Variants in RFC1 observed in about 807,000 individuals in gnomAD.
RFC1 encodes the protein replication factor C subunit 1, also known as A1 140 kDa subunit.
RFC1 carries 37 observed loss-of-function variants against 137.4 expected under a neutral mutation model. The ratio of observed to expected loss-of-function variants is 0.27; its 90% confidence interval spans 0.21 to 0.35. The LOEUF is 0.35. RFC1 is among the 10% of genes least tolerant of loss of function. The pLI is 1.00. For synonymous variants in RFC1, 429 were observed against 455.7 expected (o/e 0.94, Z 0.75); for missense variants, 1,205 against 1,358.5 (o/e 0.89, Z 1.78).
chr4:39,289,824 C>G (rs931828692), intron 24 of RFC1, 24 bp downstream of exon 24: 1 of 1,536,098 alleles, frequency 6.5e-7, no homozygotes, highest in African/African-American at 1.4e-5. Flanking sequence ...TTGAGGTTCT[C>G]CTGTCTGTGG....
In RFC1 at chr4:39,309,032, T is replaced by C; in HGVS notation, c.1489A>G (p.Met497Val). ...CTCTCCAGTTTGGACTCTTTCTTCA[T>C]CTTAAGAAGTGGAAAAATGAGGAAA... is the stretch of plus-strand genomic sequence containing the variant. ...SKYEIAVETEMKKESKLERTP... is the reference protein window; with the variant it reads ...SKYEIAVETEVKKESKLERTP... Residue 497 changes from methionine to valine, a missense_variant and splice_region_variant, in exon 13 of 25, where the codon ATG (methionine) becomes GTG (valine). Met to Val is a conservative substitution (Grantham distance 21). Coordinates refer to ENST00000349703, the MANE Select transcript of RFC1 (RefSeq NM_002913.5). 1 of 1,578,050 alleles carries C rather than the reference T, an allele frequency of 6.3e-7. No individual in the cohort carries two copies. The highest frequency in any genetic ancestry group is 8.5e-7 in the Non-Finnish European group (1 of 1,169,716).
At chr4:39,344,571 T>C (rs1018206184) in intron 3 of RFC1, among the ~76,000 whole-genome samples, 1 of 152,168 alleles carries the variant, frequency 6.6e-6, no homozygotes, top group Non-Finnish European at 1.5e-5. Flanking sequence ...AGACCAGCCT[T>C]GTCTACGTGG....
chr4:39,298,523 T>G (rs1202127137), intron 21 of RFC1, among the ~76,000 whole-genome samples: 1 of 152,176 alleles, frequency 6.6e-6, no homozygotes, highest in South Asian at 2.1e-4. Context: ...AAATTCTGTT[T>G]CGAGTTAAAG....
At chr4:39,354,780 A>G (rs1741378818) in intron 1 of RFC1, among the ~76,000 whole-genome samples, 1 of 150,030 alleles carries the variant, frequency 6.7e-6, no homozygotes, top group Non-Finnish European at 1.5e-5. Context: ...AAAAGCAACT[A>G]ACTTAAAAAC....
In RFC1 at chr4:39,311,554, T is replaced by A. The variant is rs775794893; in HGVS notation, c.1384-5A>T. 5 of 1,611,492 alleles carry A rather than the reference T, an allele frequency of 3.1e-6. No individual in the cohort carries two copies. Among genetic ancestry groups the A allele is most frequent in the Non-Finnish European group, 4.2e-6 (5 of 1,178,220 alleles). Reference sequence around the variant, plus strand: ...TTTTGTCCCCAAGGCTGCGGCCTGTTGATTAAAAATGTAAACCATCAAAAC... The same window carrying A: ...TTTTGTCCCCAAGGCTGCGGCCTGTAGATTAAAAATGTAAACCATCAAAAC... On this transcript the variant is annotated splice_region_variant and splice_polypyrimidine_tract_variant and intron_variant, in intron 11 of 24. Transcript: ENST00000349703.
rs951097556 is a variant in RFC1, at chr4:39,345,470, T to C, written c.139A>G (p.Ser47Gly). ...TTGAAGTCATCCTCTTTACGGGAGCTATTTACCTATAAACATCACAATATA... is the reference window on the plus strand; with the variant it reads ...TTGAAGTCATCCTCTTTACGGGAGCCATTTACCTATAAACATCACAATATA... The part of the protein sequence containing the change: ...KKGIKEIKVN[S>G]SRKEDDFKQK... The change falls in exon 3 of 25, where the codon AGC becomes GGC. Residue 47 changes from serine (S) to glycine (G), a missense_variant. Ser to Gly is a moderately conservative substitution (Grantham distance 56, BLOSUM62 0). This residue lies in a region of RFC1 where 962 missense variants were observed against 1,035.3 expected (regional missense o/e 0.93). Coordinates refer to ENST00000349703, the MANE Select transcript of RFC1 (RefSeq NM_002913.5). 2 of 1,611,598 alleles carry C rather than the reference T, an allele frequency of 1.2e-6. No homozygotes were observed. The highest frequency in any genetic ancestry group is 2.7e-5 in the African/African-American group (2 of 74,868).
In RFC1 at chr4:39,332,557, G is replaced by A. The variant is rs138115522; in HGVS notation, c.332-4801C>T. Among the ~76,000 whole-genome samples, 42 of 152,074 alleles carry A rather than the reference G, an allele frequency of 2.8e-4. No homozygotes were observed. In the East Asian group the frequency reaches 4.2e-3, roughly 15 times the overall value. Reference sequence around the variant, plus strand: ...ACTAGACTTAAATACTTTCAAAATCGAGCAATGTTAATTCACCTTCTTTCT... The same window carrying A: ...ACTAGACTTAAATACTTTCAAAATCAAGCAATGTTAATTCACCTTCTTTCT... On this transcript the variant is annotated intron_variant, in intron 4 of 24. Transcript: ENST00000349703.
At chr4:39,295,543 A>G in intron 22 of RFC1, 71 bp downstream of exon 22, 7 of 1,266,354 alleles carry the variant, frequency 5.5e-6, no homozygotes, top group Non-Finnish European at 7.6e-6. Context: ...TTTGACTCAC[A>G]TGATCATTAC....
rs565598590 is a variant in RFC1 at position 39,351,962 on chromosome 4, G to A, written c.4-486C>T. Among the ~76,000 whole-genome samples the A allele has an allele frequency of 3.4e-4, 44 of 130,010 alleles. 1 individual carries two copies. The South Asian group carries it at 9.2e-3, about 27-fold the overall frequency. 85.3% of individuals were successfully genotyped at this position (130,010 alleles called of 152,430 possible). On this transcript the variant is annotated intron_variant, in intron 1 of 24. Coordinates refer to ENST00000349703, the MANE Select transcript of RFC1 (RefSeq NM_002913.5). ...TGCCTGGATGACAAAGCAAGACTCC[G>A]TCTCAAAAAAAAAAAAAAAAAAGAA... is the stretch of plus-strand genomic sequence containing the variant.
At chr4:39,334,759 T>C (rs528036419) in intron 4 of RFC1, among the ~76,000 whole-genome samples, 15 of 152,192 alleles carry the variant, frequency 9.9e-5, no homozygotes, top group Non-Finnish European at 2.1e-4. Context: ...AGGATATCTG[T>C]CTTCTTGTAA....
intron 7 of RFC1, 175 bp from the exon 8 acceptor site, chr4:39,321,549 T>C (rs1355996926): frequency 5.3e-6 from 3 of 560,984 alleles, no homozygotes; most frequent in Non-Finnish European, 9.4e-6. Flanking sequence ...CATATTTTAT[T>C]ACTTCATGTT....
intron 3 of RFC1, among the ~76,000 whole-genome samples, chr4:39,343,895 C>T (rs1266812874): frequency 6.6e-6 from 1 of 151,898 alleles, no homozygotes; most frequent in Non-Finnish European, 1.5e-5. Context: ...GCAAAATCAC[C>T]TGAGGTCAGG....
At chr4:39,344,988 G>A (rs1740776216) in intron 3 of RFC1, among the ~76,000 whole-genome samples, 1 of 152,018 alleles carries the variant, frequency 6.6e-6, no homozygotes, top group South Asian at 2.1e-4. Flanking sequence ...AGAGAGCTAC[G>A]TATCTCAGAA....
intron 13 of RFC1, among the ~76,000 whole-genome samples, chr4:39,307,927 T>C (rs1560596860): frequency 6.6e-6 from 1 of 152,194 alleles, no homozygotes; most frequent in South Asian, 2.1e-4. Flanking sequence ...CTGGTCTATG[T>C]TGAAAACACT....
chr4:39,337,240 G>T (rs564767671), intron 4 of RFC1, among the ~76,000 whole-genome samples: 1 of 152,132 alleles, frequency 6.6e-6, no homozygotes, highest in Non-Finnish European at 1.5e-5. Context: ...CAGGCATGGC[G>T]GTGCACGCCT....
rs777206921 is a variant in RFC1 at position 39,300,059 on chromosome 4, T to C, written c.2770A>G (p.Ile924Val). Reference protein sequence around the residue: ...ICDGDLVDSQIRSKQNWSLLP... With the variant: ...ICDGDLVDSQVRSKQNWSLLP... ...AGACTCCAGTTTTGCTTACTCCGGA[T>C]CTGGCTGTCCACTAGGTCACCATCG... is the stretch of plus-strand genomic sequence containing the variant. Residue 924 changes from isoleucine (I) to valine (V), a missense_variant, in exon 21 of 25, where the codon ATC (isoleucine) becomes GTC (valine). By Grantham distance (29) the Ile-to-Val change is conservative. This residue lies in a region of RFC1 where 237 missense variants were observed against 304.2 expected (regional missense o/e 0.78). Coordinates refer to ENST00000349703, the MANE Select transcript of RFC1 (RefSeq NM_002913.5). The C allele has an allele frequency of 6.2e-7, 1 of 1,614,148 alleles. No individual in the cohort carries two copies. Among genetic ancestry groups the C allele is most frequent in the Non-Finnish European group, 8.5e-7 (1 of 1,179,948 alleles).
At chr4:39,350,269 CA>C (rs1741120004) in intron 2 of RFC1, among the ~76,000 whole-genome samples, 1 of 151,796 alleles carries the variant, frequency 6.6e-6, no homozygotes, top group South Asian at 2.1e-4. Flanking sequence ...ATCAAAACTC[CA>C]ACGTTTATGT....
At chr4:39,359,909 G>C (rs1221587117) in intron 1 of RFC1, among the ~76,000 whole-genome samples, 1 of 151,620 alleles carries the variant, frequency 6.6e-6, no homozygotes, top group African/African-American at 2.4e-5. Flanking sequence ...ACTACAAACT[G>C]GATTCATACC....
At chr4:39,306,794 G>A (rs1417427709) in intron 13 of RFC1, 93 bp from the exon 14 acceptor site, 12 of 727,904 alleles carry the variant, frequency 1.6e-5, no homozygotes, top group Non-Finnish European at 3.0e-5. Context: ...ACTTCACATA[G>A]ACAGCTGTCC....
Sources: gnomAD v4.1 joint callset for allele counts (sites outside exome capture counted in the v4.1 genomes callset) on GRCh38, gnomAD v4.1.1 for gene constraint, gnomAD v4.1.1 regional missense constraint, MANE v1.5 for transcripts, NCBI Gene and HGNC (gene_info 2026-07-23, HGNC 2026-07-21) for gene names.